Variants in RXFP1 observed in about 807,000 individuals in gnomAD.
The protein encoded by RXFP1 is relaxin family peptide receptor 1.
RXFP1 carries 73 observed loss-of-function variants against 89.8 expected under a neutral mutation model. The ratio of observed to expected loss-of-function variants is 0.81; its 90% confidence interval spans 0.67 to 0.99. The LOEUF is 0.99. Ranked by LOEUF, RXFP1 falls within the 50% of genes least tolerant of loss-of-function variation. The probability of loss-of-function intolerance (pLI) is 0.00; values close to 1 mark genes in which losing one functional copy is unlikely to be tolerated. For missense variants in RXFP1, 793 were observed against 895.5 expected (o/e 0.89, Z 1.46); for synonymous variants, 277 against 305.5 (o/e 0.91, Z 0.97).
chr4:158,609,261 C>T (rs1358021054), intron 6 of RXFP1, among the ~76,000 whole-genome samples: 7 of 152,206 alleles, frequency 4.6e-5, no homozygotes, highest in Non-Finnish European at 8.8e-5. Context: ...TTTTCCACAG[C>T]AACTGTACCA....
At chr4:158,624,044 C>G (rs189500138) in intron 9 of RXFP1, among the ~76,000 whole-genome samples, 40 of 152,240 alleles carry the variant, frequency 2.6e-4, no homozygotes, top group Non-Finnish European at 2.8e-4. Flanking sequence ...AGATGGGTCT[C>G]TGTTATATGT....
At chr4:158,524,173 G>A (rs1741882888) in intron 1 of RXFP1, among the ~76,000 whole-genome samples, 1 of 152,094 alleles carries the variant, frequency 6.6e-6, no homozygotes, top group African/African-American at 2.4e-5. Flanking sequence ...TTAAGCACAC[G>A]AGGTAGGACA....
intron 1 of RXFP1, among the ~76,000 whole-genome samples, chr4:158,558,863 AT>A (rs1400079128): frequency 3.9e-5 from 6 of 152,210 alleles, no homozygotes; most frequent in Non-Finnish European, 5.9e-5. Flanking sequence ...GTACATTCAA[AT>A]AATATATTTA....
chr4:158,621,329 C>T (rs539425622), intron 9 of RXFP1, among the ~76,000 whole-genome samples: 11 of 152,060 alleles, frequency 7.2e-5, no homozygotes, highest in Middle Eastern at 3.4e-3. Flanking sequence ...ACAACAACAA[C>T]GGACAAATCC....
chr4:158,603,794 G>A (rs1260364411), intron 4 of RXFP1, among the ~76,000 whole-genome samples: 2 of 151,510 alleles, frequency 1.3e-5, no homozygotes, highest in Non-Finnish European at 2.9e-5. Context: ...GGAGGCTGAG[G>A]CAGGAGAATC....
intron 3 of RXFP1, among the ~76,000 whole-genome samples, chr4:158,598,988 A>G (rs1393762695): frequency 6.6e-6 from 1 of 151,202 alleles, no homozygotes. Context: ...TATCGTGTCA[A>G]TCCTTAGCAG....
intron 4 of RXFP1, among the ~76,000 whole-genome samples, chr4:158,603,362 A>G (rs1762028161): frequency 6.6e-6 from 1 of 152,240 alleles, no homozygotes; most frequent in Non-Finnish European, 1.5e-5. Context: ...TCAATTAGTT[A>G]ATATATACAA....
At chr4:158,583,733 AC>A (rs1199909275) in intron 2 of RXFP1, among the ~76,000 whole-genome samples, 1 of 152,220 alleles carries the variant, frequency 6.6e-6, no homozygotes, top group Admixed American at 6.5e-5. Flanking sequence ...TGATACTTAA[AC>A]TATGTATGGC....
rs971700644 is a variant in RXFP1, at chr4:158,648,577, C to T, written c.1835C>T (p.Thr612Ile). ...MFYSVHQSAI[T>I]ATEIRNQVKK... ...TATAGTGTTCATCAAAGTGCCATAA[C>T]AGCAACTGAAATACGGAATCAAGTT... is the stretch of plus-strand genomic sequence containing the variant. Residue 612 changes from threonine to isoleucine, a missense_variant, in exon 17 of 18, where the codon ACA becomes ATA. Thr to Ile is a moderately conservative substitution (Grantham distance 89). Transcript: ENST00000307765. The T allele has an allele frequency of 6.2e-7, 1 of 1,613,272 alleles. No individual in the cohort carries two copies. Among genetic ancestry groups the T allele is most frequent in the African/African-American group, 1.3e-5 (1 of 75,024 alleles).
chr4:158,537,811 T>G (rs1745629782), intron 1 of RXFP1, among the ~76,000 whole-genome samples: 1 of 152,088 alleles, frequency 6.6e-6, no homozygotes, highest in Admixed American at 6.6e-5. Context: ...CAAAGAGTAG[T>G]AAGTATTGTG....
intron 2 of RXFP1, among the ~76,000 whole-genome samples, chr4:158,581,435 A>C (rs942596379): frequency 2.0e-5 from 3 of 152,230 alleles, no homozygotes; most frequent in Non-Finnish European, 4.4e-5. Flanking sequence ...ATCATTGTGT[A>C]GTAGGGCCTT....
intron 12 of RXFP1, among the ~76,000 whole-genome samples, chr4:158,637,433 T>C (rs1769410961): frequency 6.6e-6 from 1 of 152,174 alleles, no homozygotes; most frequent in South Asian, 2.1e-4. Flanking sequence ...TAAAAATTAT[T>C]CTAAAAGGTG....
chr4:158,545,554 G>A (rs1370321017), intron 1 of RXFP1, among the ~76,000 whole-genome samples: 11 of 152,232 alleles, frequency 7.2e-5, no homozygotes, highest in Middle Eastern at 6.8e-3. Flanking sequence ...TATTGCCTAG[G>A]TTTTCTTCTA....
At chr4:158,590,099 A>G (rs1401721019) in intron 2 of RXFP1, among the ~76,000 whole-genome samples, 4 of 152,082 alleles carry the variant, frequency 2.6e-5, no homozygotes, top group Admixed American at 2.6e-4. Context: ...TTCAACTTAT[A>G]CTGTAACTTA....
At position 158,612,338 on chromosome 4, in the gene RXFP1, A is replaced by G; in HGVS notation, c.656A>G (p.Tyr219Cys). 3 of 1,610,940 alleles carry G rather than the reference A, an allele frequency of 1.9e-6. No homozygotes were observed. The highest frequency in any genetic ancestry group is 1.3e-5 in the African/African-American group (1 of 74,974). ...AGTCGAATTTCCCCACCAACATTTTATGGACTAAATTCTCTTATTCTCTTG... is the reference window on the plus strand; with the variant it reads ...AGTCGAATTTCCCCACCAACATTTTGTGGACTAAATTCTCTTATTCTCTTG... ...HLSRISPPTF[Y>C]GLNSLILLVL... The change falls in exon 8 of 18, where the codon TAT (tyrosine) becomes TGT (cysteine). Residue 219 changes from tyrosine to cysteine, a missense_variant. Transcript: ENST00000307765.
intron 1 of RXFP1, among the ~76,000 whole-genome samples, chr4:158,547,661 G>A (rs951445690): frequency 9.2e-5 from 14 of 151,924 alleles, no homozygotes; most frequent in South Asian, 4.2e-4. Context: ...CTTTGTTCTC[G>A]TTGGTTTCAA....
intron 1 of RXFP1, among the ~76,000 whole-genome samples, chr4:158,556,060 A>T (rs1271690769): frequency 6.6e-6 from 1 of 152,198 alleles, no homozygotes; most frequent in Admixed American, 6.5e-5. Context: ...TACAGGCAAC[A>T]AAAGCAAAAA....
At chr4:158,524,246 G>A (rs371617580) in intron 1 of RXFP1, among the ~76,000 whole-genome samples, 30 of 152,238 alleles carry the variant, frequency 2.0e-4, no homozygotes, top group Middle Eastern at 3.4e-3. Flanking sequence ...TTCAGAGCCC[G>A]TGCTCTCTCC....
chr4:158,612,202 G>A lies in RXFP1; in HGVS notation c.608+1G>A, dbSNP rs201022668. On this transcript the variant is annotated splice_donor_variant, in intron 7 of 17. Coordinates refer to ENST00000307765, the MANE Select transcript of RXFP1 (RefSeq NM_021634.4). LOFTEE classifies it high-confidence loss of function. ...AAGATCTTCACAGACTAGAATGGCT[G>A]TATGTTTAATTTATGTGGCATTTTA... 3 of 1,610,884 alleles carry A rather than the reference G, an allele frequency of 1.9e-6. No homozygotes were observed. Among genetic ancestry groups the A allele is most frequent in the Non-Finnish European group, 2.5e-6 (3 of 1,178,592 alleles).
Sources: gnomAD v4.1 joint callset for allele counts (sites outside exome capture counted in the v4.1 genomes callset) on GRCh38, gnomAD v4.1.1 for gene constraint, MANE v1.5 for transcripts, NCBI Gene and HGNC (gene_info 2026-07-23, HGNC 2026-07-21) for gene names.